The following SORCS2 variants were observed in gnomAD, a reference collection of about 807,000 sequenced individuals.
SORCS2 encodes the protein sortilin related VPS10 domain containing receptor 2, also known as VPS10 domain-containing receptor SorCS2.
SORCS2 carries 100 observed loss-of-function variants against 141.6 expected under a neutral mutation model. That is an observed-to-expected ratio of 0.71 (90% CI 0.60 to 0.83). The LOEUF (loss-of-function observed/expected upper bound fraction) is 0.83. SORCS2 is among the 40% of genes least tolerant of loss of function. The probability of loss-of-function intolerance (pLI) is 0.00; values close to 1 mark genes in which losing one functional copy is unlikely to be tolerated. For missense variants in SORCS2, 1,646 were observed against 1,560.2 expected, an observed-to-expected ratio of 1.05 and a Z score of -0.93; for synonymous variants, 789 against 676.9, an observed-to-expected ratio of 1.17 and a Z score of -2.57.
At chr4:7,440,180 G>T (rs1328574897) in intron 2 of SORCS2, among the ~76,000 whole-genome samples, 3 of 152,202 alleles carry the variant, frequency 2.0e-5, no homozygotes, top group Non-Finnish European at 4.4e-5. Context: ...GTAAAGACGA[G>T]CCTGGCCACA....
intron 17 of SORCS2, among the ~76,000 whole-genome samples, chr4:7,716,621 CT>C (rs1167081196): frequency 6.6e-6 from 1 of 152,120 alleles, no homozygotes. Context: ...ACCCACCCAT[CT>C]GTCCATCCAT....
In SORCS2 at chr4:7,216,857, C is replaced by T. The variant is rs187132648; in HGVS notation, c.480+23731C>T. On this transcript the variant is annotated intron_variant, in intron 1 of 26. Transcript: ENST00000507866. ...AGATCAGCCTGCCCTGCCCTCGAGC[C>T]GCAAAGCCAGTTGAGATGGTGGTTT... 5.4e-3 allele frequency among the ~76,000 whole-genome samples: 808 copies of T among 150,386 alleles called. 7 individuals are homozygous for T. Among genetic ancestry groups the T allele is most frequent in the South Asian group, 0.039 (185 of 4,752 alleles).
At chr4:7,428,863 G>C (rs977564544) in intron 2 of SORCS2, among the ~76,000 whole-genome samples, 2 of 152,118 alleles carry the variant, frequency 1.3e-5, no homozygotes, top group African/African-American at 2.4e-5. Context: ...GCTGTGATGA[G>C]ACTAGACAGG....
At chr4:7,737,634 A>T (rs1173610758) in intron 26 of SORCS2, among the ~76,000 whole-genome samples, 1 of 152,192 alleles carries the variant, frequency 6.6e-6, no homozygotes, top group African/African-American at 2.4e-5. Flanking sequence ...TTTACAGTTT[A>T]TGAAGCATTT....
chr4:7,676,720 C>G (rs1178057137), intron 9 of SORCS2, among the ~76,000 whole-genome samples: 2 of 151,074 alleles, frequency 1.3e-5, no homozygotes, highest in African/African-American at 4.9e-5. Context: ...CTGCCTTTCT[C>G]TCTCTCTCCC....
intron 9 of SORCS2, among the ~76,000 whole-genome samples, chr4:7,676,485 A>G (rs953635261): frequency 6.6e-6 from 1 of 152,198 alleles, no homozygotes; most frequent in Admixed American, 6.5e-5. Flanking sequence ...AGTTCTTGTC[A>G]TGAGAAGAAT....
intron 1 of SORCS2, among the ~76,000 whole-genome samples, chr4:7,330,468 C>T (rs572225355): frequency 6.6e-6 from 1 of 151,884 alleles, no homozygotes; most frequent in East Asian, 2.0e-4. Flanking sequence ...CCCACGCACA[C>T]CCCTGACGTC....
intron 1 of SORCS2, among the ~76,000 whole-genome samples, chr4:7,335,517 C>T (rs1719927093): frequency 6.6e-6 from 1 of 152,224 alleles, no homozygotes; most frequent in Non-Finnish European, 1.5e-5. Flanking sequence ...CCCTGCCCCG[C>T]CTCTTGCTCC....
At chr4:7,389,635 C>T (rs563947221) in intron 1 of SORCS2, among the ~76,000 whole-genome samples, 25 of 152,336 alleles carry the variant, frequency 1.6e-4, no homozygotes, top group Non-Finnish European at 2.8e-4. Flanking sequence ...GACGCAGTTC[C>T]TCCCCTCCTG....
intron 3 of SORCS2, among the ~76,000 whole-genome samples, chr4:7,559,777 A>G (rs1425275574): frequency 2.6e-5 from 4 of 152,260 alleles, no homozygotes; most frequent in African/African-American, 9.6e-5. Context: ...GTGGTTGTAC[A>G]AGATGAACAA....
At chr4:7,680,404 G>A (rs141906020) in intron 9 of SORCS2, among the ~76,000 whole-genome samples, 1 of 152,344 alleles carries the variant, frequency 6.6e-6, no homozygotes, top group East Asian at 1.9e-4. Flanking sequence ...GGTTTCTGCA[G>A]GGCCTGCTCT....
intron 2 of SORCS2, among the ~76,000 whole-genome samples, chr4:7,502,891 G>C (rs1240845056): frequency 6.6e-6 from 1 of 152,214 alleles, no homozygotes; most frequent in Non-Finnish European, 1.5e-5. Context: ...TTATAAAACT[G>C]TTAGGGTGTC....
intron 1 of SORCS2, among the ~76,000 whole-genome samples, chr4:7,344,252 T>C (rs1210092114): frequency 6.6e-6 from 1 of 152,246 alleles, no homozygotes; most frequent in Admixed American, 6.5e-5. Context: ...CCTCATCTGC[T>C]GAGTCCCATG....
intron 1 of SORCS2, among the ~76,000 whole-genome samples, chr4:7,298,740 A>C (rs950254036): frequency 2.0e-5 from 3 of 152,200 alleles, no homozygotes; most frequent in Admixed American, 6.5e-5. Context: ...CATGCTAACC[A>C]AAGACCTGAG....
intron 6 of SORCS2, among the ~76,000 whole-genome samples, chr4:7,662,636 C>G (rs1172736830): frequency 3.3e-5 from 5 of 152,216 alleles, no homozygotes; most frequent in Non-Finnish European, 7.3e-5. Flanking sequence ...GAGAAAGATT[C>G]ACTGTCCGCA....
intron 13 of SORCS2, 58 bp from the exon 14 acceptor site, chr4:7,704,119 C>T (rs557205944): frequency 2.2e-4 from 330 of 1,527,600 alleles, no homozygotes; most frequent in Non-Finnish European, 2.6e-4. Flanking sequence ...GGGCAGAGTC[C>T]CAGACACAGG....
chr4:7,571,733 C>G (rs948266546), intron 3 of SORCS2, among the ~76,000 whole-genome samples: 1 of 152,090 alleles, frequency 6.6e-6, no homozygotes, highest in African/African-American at 2.4e-5. Context: ...GGGGCCAAGG[C>G]CAGCAGCTTC....
At chr4:7,607,233 G>C (rs1380742394) in intron 3 of SORCS2, among the ~76,000 whole-genome samples, 2 of 152,074 alleles carry the variant, frequency 1.3e-5, no homozygotes, top group African/African-American at 4.8e-5. Context: ...TCTCTCCTTG[G>C]CCTTTTAATC....
intron 2 of SORCS2, among the ~76,000 whole-genome samples, chr4:7,487,921 G>A (rs979399214): frequency 1.3e-5 from 2 of 152,148 alleles, no homozygotes; most frequent in South Asian, 4.1e-4. Flanking sequence ...GGCATAGCCT[G>A]ATGTCTACAA....
Sources: allele counts gnomAD v4.1 joint callset (sites outside exome capture counted in the v4.1 genomes callset), GRCh38; gene constraint gnomAD v4.1.1; transcripts MANE v1.5; gene names NCBI Gene and HGNC (gene_info 2026-07-23, HGNC 2026-07-21).